Variants in ASPH observed in about 807,000 individuals in gnomAD.
ASPH encodes the protein aspartate beta-hydroxylase, also known as aspartyl/asparaginyl beta-hydroxylase.
ASPH carries 100 observed loss-of-function variants against 118.4 expected under a neutral mutation model. That is an observed-to-expected ratio of 0.84 (90% confidence interval 0.72 to 1.00). The LOEUF (loss-of-function observed/expected upper bound fraction) is 1.00. ASPH is among the 50% of genes least tolerant of loss of function. The pLI is 0.00. For synonymous variants in ASPH, 315 were observed against 325.6 expected, an observed-to-expected ratio of 0.97 and a Z score of 0.35; for missense variants, 920 against 919.5, an observed-to-expected ratio of 1.00 and a Z score of -0.01.
At chr8:61,533,923 T>G (rs1439796567) in intron 21 of ASPH, among the ~76,000 whole-genome samples, 8 of 152,192 alleles carry the variant, frequency 5.3e-5, no homozygotes, top group Non-Finnish European at 1.2e-4. Flanking sequence ...ATTAAATGCA[T>G]GTGCTCAGTT....
intron 13 of ASPH, among the ~76,000 whole-genome samples, chr8:61,631,114 T>A (rs957802583): frequency 2.0e-5 from 3 of 152,240 alleles, no homozygotes; most frequent in African/African-American, 7.2e-5. Flanking sequence ...GTTTGTGTTT[T>A]AAACTAATTT....
chr8:61,642,837 C>T (rs764014328), intron 10 of ASPH, 51 bp downstream of exon 10: 6 of 1,373,754 alleles, frequency 4.4e-6, no homozygotes, highest in South Asian at 4.2e-5. Context: ...AAGAGCGAAA[C>T]TCCATCTCAA....
chr8:61,664,659 G>C, intron 3 of ASPH: 1 of 985,918 alleles, frequency 1.0e-6, no homozygotes, highest in Non-Finnish European at 1.2e-6. Flanking sequence ...AGGGAGACTA[G>C]AAAAGGGGAG....
chr8:61,615,822 T>C (rs1848823508), intron 14 of ASPH, among the ~76,000 whole-genome samples: 2 of 152,236 alleles, frequency 1.3e-5, no homozygotes, highest in Non-Finnish European at 2.9e-5. Flanking sequence ...TCTGTTATTA[T>C]GAAACTAAAG....
intron 3 of ASPH, chr8:61,675,497 G>A (rs899334166): frequency 5.7e-5 from 56 of 981,562 alleles, no homozygotes; most frequent in Non-Finnish European, 6.5e-5. Context: ...TATTTTAAAA[G>A]CACCATTAAC....
At chr8:61,578,802 C>T in intron 15 of ASPH, 1 of 1,606,048 alleles carries the variant, frequency 6.2e-7, no homozygotes, top group Non-Finnish European at 8.5e-7. Flanking sequence ...TGAATTTGTC[C>T]TCATCAAGAA....
rs913176965 is a variant in ASPH at position 61,578,422 on chromosome 8, T to C, written c.1063-1564A>G. ...ATGGGAGGCATCACCGCAGTCATGG[T>C]CAACCAGAGCCTACTGAGCCCCCTT... On this transcript the variant is annotated intron_variant, in intron 15 of 24. Transcript: ENST00000379454. 1.3e-4 allele frequency: 215 copies of C among 1,603,292 alleles called. No individual in the cohort carries two copies. In the African/African-American group the frequency reaches 2.4e-3, roughly 18 times the overall value.
intron 24 of ASPH, among the ~76,000 whole-genome samples, chr8:61,504,180 T>C (rs1805550988): frequency 6.6e-6 from 1 of 152,200 alleles, no homozygotes; most frequent in African/African-American, 2.4e-5. Flanking sequence ...CTAAATATAG[T>C]GTTAGTCTAT....
rs764538363 is a variant in ASPH, at chr8:61,638,378, AC to A, written c.791-16del. 84 of 1,539,006 alleles carry A rather than the reference AC, an allele frequency of 5.5e-5. No individual in the cohort carries two copies. The East Asian group carries it at 1.7e-3, about 31-fold the overall frequency. On this transcript the variant is annotated splice_polypyrimidine_tract_variant and intron_variant, in intron 10 of 24. Transcript: ENST00000379454. Reference sequence around the variant, plus strand: ...TTCATATACTGCTAAAAAAAAAAAAACAGAAACAAAATCCCGTAACTTTCAT... The same window carrying A: ...TTCATATACTGCTAAAAAAAAAAAAAAGAAACAAAATCCCGTAACTTTCAT...
intron 1 of ASPH, among the ~76,000 whole-genome samples, chr8:61,686,725 C>T (rs953596550): frequency 6.6e-6 from 1 of 152,138 alleles, no homozygotes; most frequent in African/African-American, 2.4e-5. Context: ...CCTGCCTTTG[C>T]TACTTATTGC....
At chr8:61,505,493 CAAAAAAAAAA>C (rs59845860) in intron 24 of ASPH, among the ~76,000 whole-genome samples, 2 of 110,562 alleles carry the variant, frequency 1.8e-5, no homozygotes, top group Admixed American at 9.1e-5. Context: ...GACTCCATCT[CAAAAAAAAAA>C]AAAAAAAAAA....
chr8:61,705,603 C>T (rs1836399602), intron 1 of ASPH, among the ~76,000 whole-genome samples: 1 of 152,178 alleles, frequency 6.6e-6, no homozygotes, highest in Non-Finnish European at 1.5e-5. Context: ...ACAATGGCTG[C>T]CTCTGGTGGC....
chr8:61,706,948 T>C (rs1836845581), intron 1 of ASPH, among the ~76,000 whole-genome samples: 1 of 152,216 alleles, frequency 6.6e-6, no homozygotes, highest in Non-Finnish European at 1.5e-5. Context: ...AGATCCCTAA[T>C]AACAAAATAT....
chr8:61,618,468 T>C (rs2150489038), intron 14 of ASPH, among the ~76,000 whole-genome samples: 1 of 152,312 alleles, frequency 6.6e-6, no homozygotes, highest in South Asian at 2.1e-4. Flanking sequence ...TTTGTATATC[T>C]TTCCAACAAT....
At chr8:61,552,908 TTATATC>T in intron 20 of ASPH, 117 bp downstream of exon 20, 1 of 782,508 alleles carries the variant, frequency 1.3e-6, no homozygotes. Flanking sequence ...ACTAAATAGT[TTATATC>T]ACTGCTTTCG....
chr8:61,682,493 T>C (rs372698361), intron 2 of ASPH: 120 of 1,611,098 alleles, frequency 7.4e-5, no homozygotes, highest in Non-Finnish European at 9.6e-5. Context: ...GCTGCATGCA[T>C]GTAAAAACAT....
chr8:61,626,366 A>G, intron 13 of ASPH: 1 of 1,338,686 alleles, frequency 7.5e-7, no homozygotes, highest in Non-Finnish European at 9.7e-7. Flanking sequence ...CTTTTTAAAA[A>G]ACCCACCAAC....
chr8:61,527,200 G>A (rs1000583057), intron 21 of ASPH, among the ~76,000 whole-genome samples: 4 of 152,170 alleles, frequency 2.6e-5, no homozygotes, highest in Non-Finnish European at 5.9e-5. Context: ...AAAACCAGTA[G>A]AATATTCTAA....
At chr8:61,663,287 G>GTGC in intron 3 of ASPH, 1 of 985,296 alleles carries the variant, frequency 1.0e-6, no homozygotes, top group Non-Finnish European at 1.2e-6. Flanking sequence ...GTGCACAGGT[G>GTGC]TGCGCCTGGG....
Sources: gnomAD v4.1 joint callset for allele counts (sites outside exome capture counted in the v4.1 genomes callset) on GRCh38, gnomAD v4.1.1 for gene constraint, MANE v1.5 for transcripts, NCBI Gene and HGNC (gene_info 2026-07-23, HGNC 2026-07-21) for gene names.